Variants in NARS2 observed in about 807,000 individuals in gnomAD.
NARS2 encodes the protein asparaginyl-tRNA synthetase 2, mitochondrial, also known as asparaginyl-tRNA synthetase.
A neutral mutation model predicts 62.9 loss-of-function variants in NARS2; 60 were observed. That is an observed-to-expected ratio of 0.95 (90% CI 0.77 to 1.18). NARS2 has a LOEUF of 1.18. Ranked by LOEUF, NARS2 falls within the 50% of genes most tolerant of loss-of-function variation. The probability of loss-of-function intolerance (pLI) is 0.00; values close to 1 mark genes in which losing one functional copy is unlikely to be tolerated. For synonymous variants in NARS2, 196 were observed against 200.0 expected (o/e 0.98, Z 0.17); for missense variants, 619 against 576.4 (o/e 1.07, Z -0.76).
At chr11:78,494,317 T>C (rs1681443144) in intron 6 of NARS2, among the ~76,000 whole-genome samples, 1 of 152,208 alleles carries the variant, frequency 6.6e-6, no homozygotes. Context: ...TGTTAAGGTT[T>C]TGTTAGAACA....
intron 6 of NARS2, among the ~76,000 whole-genome samples, chr11:78,507,851 T>C (rs1396181421): frequency 3.7e-5 from 5 of 133,970 alleles, no homozygotes; most frequent in South Asian, 2.6e-4. Context: ...TCACAAGGCA[T>C]ATAAAGAAAG....
At chr11:78,515,031 A>T (rs188576039) in intron 6 of NARS2, among the ~76,000 whole-genome samples, 66 of 152,342 alleles carry the variant, frequency 4.3e-4, no homozygotes, top group African/African-American at 1.6e-3. Context: ...GTCGCGACAA[A>T]TTACTGAAGG....
chr11:78,460,591 G>C lies in NARS2; in HGVS notation c.1164+5285C>G, dbSNP rs539647787. Among the ~76,000 whole-genome samples, 4 of 152,282 alleles carry C rather than the reference G, an allele frequency of 2.6e-5. No individual in the cohort carries two copies. In the South Asian group the frequency reaches 8.3e-4, roughly 32 times the overall value. ...GATATTTAGGAGCGCAAAACTGACAGAACTTAGTCAATGGAGGAAATGAGA... is the reference window on the plus strand; with the variant it reads ...GATATTTAGGAGCGCAAAACTGACACAACTTAGTCAATGGAGGAAATGAGA... On this transcript the variant is annotated intron_variant, in intron 11 of 13. Coordinates refer to ENST00000281038, the MANE Select transcript of NARS2 (RefSeq NM_024678.6).
chr11:78,485,816 G>A (rs1183723682), intron 7 of NARS2, among the ~76,000 whole-genome samples: 1 of 152,120 alleles, frequency 6.6e-6, no homozygotes, highest in Non-Finnish European at 1.5e-5. Context: ...CTCCAACAGA[G>A]GAACTGGGAA....
chr11:78,451,939 G>A lies in NARS2; in HGVS notation c.1165-8181C>T, dbSNP rs373370820. On this transcript the variant is annotated intron_variant, in intron 11 of 13. Coordinates refer to ENST00000281038, the MANE Select transcript of NARS2 (RefSeq NM_024678.6). ...TGCATGCCAGGCTCTCCAAATAGCC[G>A]GACTCTAGAGCACATCTTAAGCAAG... 9.7e-4 allele frequency among the ~76,000 whole-genome samples: 148 copies of A among 152,146 alleles called. 1 individual carries two copies. Among genetic ancestry groups the A allele is most frequent in the East Asian group, 4.1e-3 (21 of 5,174 alleles).
intron 5 of NARS2, among the ~76,000 whole-genome samples, chr11:78,542,551 G>A (rs1365269444): frequency 1.3e-5 from 2 of 152,156 alleles, no homozygotes; most frequent in Non-Finnish European, 2.9e-5. Context: ...TCTGTGAGAA[G>A]GGATACCTAT....
Position 78,443,509 on chromosome 11 carries a change from A to G in NARS2, c.1262+152T>C, listed in dbSNP as rs113246214. ...TGAAGAACGGGAAGCTCAGAGATAA[A>G]CTAACAACTTGCTCAAGGACATAGA... On this transcript the variant is annotated intron_variant, in intron 12 of 13. Transcript: ENST00000281038. 498 of 463,802 alleles carry G rather than the reference A, an allele frequency of 1.1e-3. 2 individuals are homozygous for G. The highest frequency in any genetic ancestry group is 8.1e-3 in the African/African-American group (421 of 51,808). The allele number at this position is 463,802 out of a possible 1,614,324, so 28.7% of individuals were successfully genotyped here. A position where few individuals can be genotyped will look rare whatever the true frequency, so the allele number is the denominator to read the frequency against.
chr11:78,481,890 G>A (rs1212244338), intron 7 of NARS2, among the ~76,000 whole-genome samples: 3 of 152,194 alleles, frequency 2.0e-5, no homozygotes, highest in Non-Finnish European at 4.4e-5. Flanking sequence ...GGAAAAAAGT[G>A]TATATCACAA....
At position 78,436,150 on chromosome 11, in the gene NARS2, A is replaced by C. The variant is rs1360585596; in HGVS notation, c.*520T>G. ...GTTCAATGAAAGGAGATTTCAATTC[A>C]GAATAGCTACTTCTTTAAATCAATT... On this transcript the variant is annotated 3_prime_UTR_variant, in exon 14 of 14. Transcript: ENST00000281038. 6.6e-6 allele frequency: 1 copy of C among 152,360 alleles called. No homozygotes were observed. Among genetic ancestry groups the C allele is most frequent in the Non-Finnish European group, 1.5e-5 (1 of 68,140 alleles). 9.4% of individuals were successfully genotyped at this position (152,360 alleles called of 1,614,324 possible).
At chr11:78,538,774 T>A (rs1353886491) in intron 5 of NARS2, among the ~76,000 whole-genome samples, 1 of 151,572 alleles carries the variant, frequency 6.6e-6, no homozygotes, top group South Asian at 2.1e-4. Flanking sequence ...GGCGGGCGGA[T>A]CACGAGGTCA....
At chr11:78,537,623 G>A (rs952540413) in intron 5 of NARS2, among the ~76,000 whole-genome samples, 3 of 152,144 alleles carry the variant, frequency 2.0e-5, no homozygotes, top group East Asian at 3.9e-4. Flanking sequence ...CATAGTGAGA[G>A]GTCCATGTCT....
At chr11:78,458,609 G>A (rs1858258914) in intron 11 of NARS2, among the ~76,000 whole-genome samples, 1 of 152,184 alleles carries the variant, frequency 6.6e-6, no homozygotes, top group Non-Finnish European at 1.5e-5. Flanking sequence ...CAAATTCACA[G>A]CAGATCAACT....
chr11:78,498,869 T>C (rs1379604647), intron 6 of NARS2, among the ~76,000 whole-genome samples: 1 of 150,478 alleles, frequency 6.6e-6, no homozygotes, highest in East Asian at 1.9e-4. Context: ...TTTGGTTCAT[T>C]ATGGCATCCT....
At chr11:78,499,191 C>G (rs1450000081) in intron 6 of NARS2, among the ~76,000 whole-genome samples, 1 of 152,184 alleles carries the variant, frequency 6.6e-6, no homozygotes, top group African/African-American at 2.4e-5. Flanking sequence ...GCTGGGATTA[C>G]AGGCGTGAGC....
chr11:78,478,771 C>T (rs1430264448), intron 7 of NARS2, 88 bp from the exon 8 acceptor site: 1 of 640,232 alleles, frequency 1.6e-6, no homozygotes, highest in African/African-American at 1.9e-5. Flanking sequence ...GCATTCCAGG[C>T]TTTAGCAACT....
chr11:78,568,324 C>A (rs1255247251), intron 3 of NARS2, among the ~76,000 whole-genome samples: 4 of 152,120 alleles, frequency 2.6e-5, no homozygotes, highest in Non-Finnish European at 4.4e-5. Context: ...ATGCAAAAGT[C>A]ATTCTTGGCT....
chr11:78,494,479 T>C (rs1859974230), intron 6 of NARS2, among the ~76,000 whole-genome samples: 2 of 149,854 alleles, frequency 1.3e-5, no homozygotes, highest in African/African-American at 4.9e-5. Context: ...CTTTTTTTTT[T>C]TTTTTTTAGT....
chr11:78,457,790 A>G (rs1359960623), intron 11 of NARS2, among the ~76,000 whole-genome samples: 3 of 139,806 alleles, frequency 2.1e-5, no homozygotes, highest in African/African-American at 6.0e-5. Context: ...TTATGTTATT[A>G]TGTAACAACA....
At chr11:78,552,198 A>G (rs370839042) in intron 5 of NARS2, among the ~76,000 whole-genome samples, 3 of 152,090 alleles carry the variant, frequency 2.0e-5, no homozygotes, top group Non-Finnish European at 4.4e-5. Context: ...CTTTGTGTTC[A>G]TAAGTTCTTA....
Sources: gnomAD v4.1 joint callset for allele counts (sites outside exome capture counted in the v4.1 genomes callset) on GRCh38, gnomAD v4.1.1 for gene constraint, MANE v1.5 for transcripts, NCBI Gene and HGNC (gene_info 2026-07-23, HGNC 2026-07-21) for gene names.